The following FRMD4A variants were observed in gnomAD, a reference collection of about 807,000 sequenced individuals.
The protein encoded by FRMD4A is FERM domain-containing protein 4A.
FRMD4A carries 29 observed loss-of-function variants against 129.1 expected under a neutral mutation model. The observed-to-expected ratio is 0.22, with a 90% confidence interval of 0.17 to 0.31. The LOEUF (loss-of-function observed/expected upper bound fraction) is 0.31. FRMD4A is among the 10% of genes least tolerant of loss of function. The pLI is 1.00. For missense variants in FRMD4A, 1,272 were observed against 1,375.8 expected, an observed-to-expected ratio of 0.92 and a Z score of 1.19; for synonymous variants, 634 against 571.6, an observed-to-expected ratio of 1.11 and a Z score of -1.56.
chr10:14,102,357 T>C (rs1837352054), intron 2 of FRMD4A, among the ~76,000 whole-genome samples: 1 of 152,082 alleles, frequency 6.6e-6, no homozygotes, highest in Admixed American at 6.5e-5. Flanking sequence ...TGAAACCCCA[T>C]CTCTACTAAA....
chr10:13,746,230 G>A (rs1271992527), intron 9 of FRMD4A, among the ~76,000 whole-genome samples: 1 of 150,898 alleles, frequency 6.6e-6, no homozygotes, highest in Non-Finnish European at 1.5e-5. Context: ...TGTTTGTTTT[G>A]AGATGGACTC....
intron 16 of FRMD4A, among the ~76,000 whole-genome samples, chr10:13,672,727 G>A (rs574318595): frequency 1.3e-5 from 2 of 152,100 alleles, no homozygotes; most frequent in African/African-American, 4.8e-5. Context: ...CATCATTCTA[G>A]TTGCCCCCCT....
chr10:13,779,812 C>T (rs149719787), intron 6 of FRMD4A, among the ~76,000 whole-genome samples: 1 of 149,056 alleles, frequency 6.7e-6, no homozygotes, highest in East Asian at 1.9e-4. Context: ...CAGTGTCTAT[C>T]TCAAAAGGCG....
chr10:14,007,891 C>G (rs903478850), intron 2 of FRMD4A, among the ~76,000 whole-genome samples: 1 of 152,200 alleles, frequency 6.6e-6, no homozygotes, highest in Non-Finnish European at 1.5e-5. Context: ...GGTTTCTCAT[C>G]ATTATCTGTT....
intron 12 of FRMD4A, chr10:13,729,444 A>C (rs943092): frequency 0.87 from 132,151 of 152,270 alleles, 58,276 homozygotes; most frequent in East Asian, 0.97. Context: ...GGCAGAACGT[A>C]CACCGCACCG....
At chr10:14,073,716 G>A (rs926013734) in intron 2 of FRMD4A, among the ~76,000 whole-genome samples, 15 of 152,134 alleles carry the variant, frequency 9.9e-5, no homozygotes, top group East Asian at 1.9e-4. Context: ...CACCACCACC[G>A]GGATCCTGTT....
chr10:14,162,814 C>T (rs1378475781), intron 2 of FRMD4A, among the ~76,000 whole-genome samples: 1 of 152,002 alleles, frequency 6.6e-6, no homozygotes, highest in Admixed American at 6.6e-5. Flanking sequence ...TCTTTCAAAT[C>T]CACCCAGGAT....
intron 5 of FRMD4A, among the ~76,000 whole-genome samples, chr10:13,792,628 A>C (rs2093028698): frequency 6.6e-6 from 1 of 152,222 alleles, no homozygotes; most frequent in Admixed American, 6.5e-5. Flanking sequence ...TGCTGCAAAG[A>C]TTAACAATCA....
chr10:14,147,502 C>T (rs905044923), intron 2 of FRMD4A, among the ~76,000 whole-genome samples: 8 of 152,044 alleles, frequency 5.3e-5, no homozygotes, highest in South Asian at 4.2e-4. Flanking sequence ...TTATACAACT[C>T]GCCATAATGT....
At position 13,768,700 on chromosome 10, in the gene FRMD4A, C is replaced by A. The variant is rs1323792008; in HGVS notation, c.385-6020G>T. ...ATTATTTCTACTGTCCCCTGAAAGT[C>A]CCATATTCTGGTCTTAACCCCCCAA... On this transcript the variant is annotated intron_variant, in intron 6 of 24. Transcript: ENST00000357447. 2.6e-5 allele frequency among the ~76,000 whole-genome samples: 4 copies of A among 152,256 alleles called. No individual in the cohort carries two copies. The East Asian group carries it at 7.7e-4, about 29-fold the overall frequency.
chr10:13,967,713 A>T (rs2095493924), intron 2 of FRMD4A, among the ~76,000 whole-genome samples: 1 of 152,186 alleles, frequency 6.6e-6, no homozygotes, highest in African/African-American at 2.4e-5. Flanking sequence ...GTCCTCTGTC[A>T]TTAGTTCCTG....
intron 2 of FRMD4A, among the ~76,000 whole-genome samples, chr10:13,870,434 C>T (rs944231469): frequency 1.3e-5 from 2 of 152,214 alleles, no homozygotes; most frequent in South Asian, 2.1e-4. Context: ...TCTCCCTTGC[C>T]GTGGGGCCTG....
intron 2 of FRMD4A, among the ~76,000 whole-genome samples, chr10:14,231,168 T>C (rs139175511): frequency 1.4e-3 from 210 of 152,320 alleles, no homozygotes; most frequent in African/African-American, 4.6e-3. Context: ...CAAATGGTAG[T>C]TCTGTTTTAA....
chr10:14,262,222 G>T (rs966183798), intron 2 of FRMD4A, among the ~76,000 whole-genome samples: 2 of 152,102 alleles, frequency 1.3e-5, no homozygotes, highest in Admixed American at 6.6e-5. Flanking sequence ...TGAAAACTGA[G>T]CTAAGAGATC....
chr10:14,050,048 C>G (rs566961368), intron 2 of FRMD4A, among the ~76,000 whole-genome samples: 48 of 152,232 alleles, frequency 3.2e-4, no homozygotes, highest in Non-Finnish European at 5.1e-4. Flanking sequence ...CCATCACTTA[C>G]ACACTGCATG....
chr10:13,860,406 T>C (rs1359134187), intron 2 of FRMD4A, among the ~76,000 whole-genome samples: 4 of 152,220 alleles, frequency 2.6e-5, no homozygotes, highest in Admixed American at 2.6e-4. Context: ...TTCCTGAAAA[T>C]GTAGCAATTG....
At chr10:14,166,477 T>A (rs1041408686) in intron 2 of FRMD4A, among the ~76,000 whole-genome samples, 3 of 152,220 alleles carry the variant, frequency 2.0e-5, no homozygotes, top group Non-Finnish European at 4.4e-5. Context: ...ACAGCTTTGT[T>A]TTATCTGGAA....
chr10:13,990,170 AG>A (rs1243171575), intron 2 of FRMD4A, among the ~76,000 whole-genome samples: 1 of 152,216 alleles, frequency 6.6e-6, no homozygotes, highest in Non-Finnish European at 1.5e-5. Context: ...CCAACCTCAA[AG>A]GGCTGCTCTG....
intron 2 of FRMD4A, among the ~76,000 whole-genome samples, chr10:14,158,776 G>A (rs1840729924): frequency 6.7e-6 from 1 of 148,338 alleles, no homozygotes; most frequent in African/African-American, 2.5e-5. Flanking sequence ...AGGAAGAAGA[G>A]GAAGAGGAGC....
Sources: allele counts gnomAD v4.1 joint callset (sites outside exome capture counted in the v4.1 genomes callset), GRCh38; gene constraint gnomAD v4.1.1; transcripts MANE v1.5; gene names NCBI Gene and HGNC (gene_info 2026-07-23, HGNC 2026-07-21).